Variants in GRM7 observed in about 807,000 individuals in gnomAD.
GRM7 encodes the protein glutamate metabotropic receptor 7, also known as metabotropic glutamate receptor 7.
In GRM7, 35 loss-of-function variants were observed where a neutral mutation model predicts 84.5. The ratio of observed to expected loss-of-function variants is 0.41; its 90% CI spans 0.32 to 0.55. The LOEUF is 0.55. GRM7 is among the 20% of genes least tolerant of loss of function. The probability of loss-of-function intolerance (pLI) is 0.19; values close to 1 mark genes in which losing one functional copy is unlikely to be tolerated. For synonymous variants in GRM7, 487 were observed against 455.1 expected, an observed-to-expected ratio of 1.07 and a Z score of -0.89; for missense variants, 1,003 against 1,194.6, an observed-to-expected ratio of 0.84 and a Z score of 2.36.
chr3:7,545,300 A>G (rs771637064), intron 7 of GRM7, among the ~76,000 whole-genome samples: 5 of 152,236 alleles, frequency 3.3e-5, no homozygotes, highest in Non-Finnish European at 7.3e-5. Flanking sequence ...TACTCTGTGT[A>G]CTCTGTACTA....
At chr3:7,672,601 C>CTTTT (rs773468950) in intron 8 of GRM7, among the ~76,000 whole-genome samples, 1 of 116,986 alleles carries the variant, frequency 8.5e-6, no homozygotes, top group Non-Finnish European at 1.8e-5. Context: ...TTTTAATATA[C>CTTTT]TTTTTTTTTT....
chr3:7,584,096 A>G (rs779817179), intron 8 of GRM7, among the ~76,000 whole-genome samples: 1 of 152,210 alleles, frequency 6.6e-6, no homozygotes, highest in Non-Finnish European at 1.5e-5. Flanking sequence ...TGGCATGACA[A>G]TGTAGTAAGA....
At chr3:7,624,390 CT>C in intron 8 of GRM7, among the ~76,000 whole-genome samples, 1 of 152,242 alleles carries the variant, frequency 6.6e-6, no homozygotes, top group East Asian at 1.9e-4. Context: ...CTCTAACATA[CT>C]GAGAAACTCC....
chr3:7,489,272 T>C lies in GRM7; in HGVS notation c.1515+27550T>C, dbSNP rs576100445. ...AAAAATTTTTTTATGAACTAGAAAATGTTATCCCTTTCTTCTCCTTCCGTT... is the reference window on the plus strand; with the variant it reads ...AAAAATTTTTTTATGAACTAGAAAACGTTATCCCTTTCTTCTCCTTCCGTT... On this transcript the variant is annotated intron_variant, in intron 7 of 9. Transcript: ENST00000357716. Among the ~76,000 whole-genome samples the C allele has an allele frequency of 4.6e-5, 7 of 152,252 alleles. No homozygotes were observed. The East Asian group carries it at 7.7e-4, about 17-fold the overall frequency.
intron 1 of GRM7, among the ~76,000 whole-genome samples, chr3:7,142,727 A>G (rs1173887759): frequency 6.6e-6 from 1 of 152,210 alleles, no homozygotes; most frequent in Non-Finnish European, 1.5e-5. Context: ...GTTGACAGGG[A>G]TCAAGGTATT....
chr3:7,574,929 C>T (rs1346429860), intron 7 of GRM7, among the ~76,000 whole-genome samples: 2 of 141,858 alleles, frequency 1.4e-5, no homozygotes, highest in East Asian at 2.0e-4. Context: ...TTGTTCCAGA[C>T]AGCCTGTCTG....
At chr3:7,117,795 T>C (rs1693087856) in intron 1 of GRM7, among the ~76,000 whole-genome samples, 1 of 152,236 alleles carries the variant, frequency 6.6e-6, no homozygotes, top group South Asian at 2.1e-4. Flanking sequence ...AGTAACTGTT[T>C]ACACATTTGT....
intron 9 of GRM7, among the ~76,000 whole-genome samples, chr3:7,705,966 G>C (rs1160619418): frequency 1.3e-5 from 2 of 152,118 alleles, no homozygotes; most frequent in Admixed American, 1.3e-4. Context: ...CATAAGTTGA[G>C]GTATCAATGT....
At chr3:7,572,877 T>TATATATATAA (rs1553618263) in intron 7 of GRM7, among the ~76,000 whole-genome samples, 1 of 67,152 alleles carries the variant, frequency 1.5e-5, no homozygotes, top group African/African-American at 5.8e-5. Context: ...TATATATATA[T>TATATATATAA]ATAAATAATC....
At chr3:7,469,462 T>C (rs1448417896) in intron 7 of GRM7, among the ~76,000 whole-genome samples, 1 of 152,238 alleles carries the variant, frequency 6.6e-6, no homozygotes, top group Non-Finnish European at 1.5e-5. Flanking sequence ...TTTGAGAGCA[T>C]GAGGTGAAAT....
At chr3:7,264,806 G>C (rs2124966089) in intron 2 of GRM7, among the ~76,000 whole-genome samples, 1 of 62 alleles carries the variant, frequency 0.016, no homozygotes, top group Middle Eastern at 0.5. Flanking sequence ...GGTACTTCCA[G>C]TACAGGCCAC....
At chr3:7,713,149 T>C (rs1451747368) in intron 9 of GRM7, among the ~76,000 whole-genome samples, 2 of 146,324 alleles carry the variant, frequency 1.4e-5, no homozygotes, top group Non-Finnish European at 3.0e-5. Flanking sequence ...TTTTTTTTTT[T>C]TTTGAGACAA....
At chr3:7,052,370 A>AT (rs1406990162) in intron 1 of GRM7, among the ~76,000 whole-genome samples, 6 of 151,562 alleles carry the variant, frequency 4.0e-5, no homozygotes, top group South Asian at 2.1e-4. Context: ...TTAGGCATTG[A>AT]TTTTTTTCTT....
chr3:7,334,997 C>T (rs1046238341), intron 4 of GRM7, among the ~76,000 whole-genome samples: 1 of 140,678 alleles, frequency 7.1e-6, no homozygotes, highest in African/African-American at 3.0e-5. Flanking sequence ...CAGCACTAGA[C>T]AGGTCATCAA....
At chr3:6,908,474 A>T (rs1696656930) in intron 1 of GRM7, among the ~76,000 whole-genome samples, 1 of 152,174 alleles carries the variant, frequency 6.6e-6, no homozygotes, top group African/African-American at 2.4e-5. Flanking sequence ...CATTTCGCAG[A>T]TGAAAAAACT....
intron 7 of GRM7, among the ~76,000 whole-genome samples, chr3:7,505,651 T>C (rs537809848): frequency 6.6e-6 from 1 of 152,364 alleles, no homozygotes; most frequent in South Asian, 2.1e-4. Flanking sequence ...ATGCCTTCGA[T>C]GACTTATACC....
rs183415921 is a variant in GRM7 at position 7,351,875 on chromosome 3, A to G, written c.1033+45223A>G. 3.4e-4 allele frequency among the ~76,000 whole-genome samples: 52 copies of G among 151,954 alleles called. No homozygotes were observed. In the East Asian group the frequency reaches 7.2e-3, roughly 21 times the overall value. On this transcript the variant is annotated intron_variant, in intron 4 of 9. Coordinates refer to ENST00000357716, the MANE Select transcript of GRM7 (RefSeq NM_000844.4). ...GAGTTCCTTGGTTTTGAGGCTTTCA[A>G]ACTTGGACTGAGCTATATTAACAGC...
chr3:7,708,473 G>A (rs887710288), intron 9 of GRM7, among the ~76,000 whole-genome samples: 1 of 152,144 alleles, frequency 6.6e-6, no homozygotes, highest in African/African-American at 2.4e-5. Context: ...CCTGAGAGAG[G>A]TGACGTCTGA....
At chr3:7,728,871 A>G (rs567457890) in intron 9 of GRM7, among the ~76,000 whole-genome samples, 14 of 152,166 alleles carry the variant, frequency 9.2e-5, no homozygotes, top group Non-Finnish European at 1.8e-4. Flanking sequence ...TTCGTTTAGA[A>G]TCCCACTGTA....
Sources: gnomAD v4.1 joint callset for allele counts (sites outside exome capture counted in the v4.1 genomes callset) on GRCh38, gnomAD v4.1.1 for gene constraint, MANE v1.5 for transcripts, NCBI Gene and HGNC (gene_info 2026-07-23, HGNC 2026-07-21) for gene names.